The following AGAP1 variants were observed in gnomAD, a reference collection of about 807,000 sequenced individuals.
The protein encoded by AGAP1 is arf-GAP with GTPase, ANK repeat and PH domain-containing protein 1.
Under a neutral mutation model 105.3 loss-of-function variants are expected in AGAP1, and 29 were observed. The ratio of observed to expected loss-of-function variants is 0.28; its 90% confidence interval spans 0.21 to 0.38. The LOEUF (loss-of-function observed/expected upper bound fraction) is 0.38, where lower values mean the gene tolerates loss of function less well. AGAP1 is among the 10% of genes least tolerant of loss of function. AGAP1 has a pLI of 1.00. For missense variants in AGAP1, 998 were observed against 1,165.1 expected (o/e 0.86, Z 2.09); for synonymous variants, 509 against 485.9 (o/e 1.05, Z -0.63).
chr2:235,856,193 T>G (rs1453051598), intron 9 of AGAP1, among the ~76,000 whole-genome samples: 1 of 152,202 alleles, frequency 6.6e-6, no homozygotes, highest in Non-Finnish European at 1.5e-5. Flanking sequence ...ATTACAGGCG[T>G]GAGCCACCGC....
chr2:235,835,917 A>G (rs1294383806), intron 9 of AGAP1, among the ~76,000 whole-genome samples: 3 of 152,184 alleles, frequency 2.0e-5, no homozygotes, highest in Non-Finnish European at 4.4e-5. Flanking sequence ...CATTTTGGGG[A>G]TTCCGCCATA....
rs1237276298 is a variant in AGAP1, at chr2:235,957,391, C to CT, written c.1484-11070dup. ...TTCCTCCCCGTTTTTATAACTCAGT[C>CT]TAACACTGTGTTGTCTTTTCCTTTC... On this transcript the variant is annotated intron_variant, in intron 12 of 17. Transcript: ENST00000304032. This position sits in a 1 kb window ranked among gnomAD's most constrained non-coding sequence, Gnocchi z 4.6. Among the ~76,000 whole-genome samples the CT allele has an allele frequency of 6.6e-6, 1 of 152,170 alleles. No individual in the cohort carries two copies. The highest frequency in any genetic ancestry group is 1.9e-4 in the East Asian group (1 of 5,196).
chr2:235,572,003 CTTTTT>C (rs374791680), intron 1 of AGAP1, among the ~76,000 whole-genome samples: 1 of 93,480 alleles, frequency 1.1e-5, no homozygotes, highest in Non-Finnish European at 2.0e-5. Context: ...CACACACACA[CTTTTT>C]TTTTTTTTTT....
chr2:235,643,431 C>CAAAGAAAAAAAAAAAAAA (rs1947264521), intron 1 of AGAP1, among the ~76,000 whole-genome samples: 1 of 61,404 alleles, frequency 1.6e-5, no homozygotes, highest in African/African-American at 6.9e-5. Flanking sequence ...GACTGGGTCT[C>CAAAGAAAAAAAAAAAAAA]AAAAAAAAAA....
At chr2:235,941,399 G>A (rs549272371) in intron 12 of AGAP1, among the ~76,000 whole-genome samples, 1 of 152,286 alleles carries the variant, frequency 6.6e-6, no homozygotes, top group Non-Finnish European at 1.5e-5. Flanking sequence ...CCACTGCCCT[G>A]GCCCTGGGAG....
intron 9 of AGAP1, among the ~76,000 whole-genome samples, chr2:235,820,619 T>C (rs551812569): frequency 7.7e-4 from 118 of 152,370 alleles, no homozygotes; most frequent in African/African-American, 2.8e-3. Context: ...AGCCACAGCC[T>C]CTGTGATTTC....
rs1273825146 is a variant in AGAP1, at chr2:235,689,761, C to T, written c.164-19418C>T. On this transcript the variant is annotated intron_variant, in intron 1 of 17. Coordinates refer to ENST00000304032, the MANE Select transcript of AGAP1 (RefSeq NM_001037131.3). The surrounding 1 kb of genome is among the most constrained non-coding windows in gnomAD (Gnocchi z 4.2). ...TGGTAAACTGTCCTGCATGTGTGTA[C>T]GTGCACACTTGTGTGACGTGTCAGC... Among the ~76,000 whole-genome samples the T allele has an allele frequency of 2.6e-5, 4 of 152,198 alleles. No individual in the cohort carries two copies. Among genetic ancestry groups the T allele is most frequent in the Non-Finnish European group, 5.9e-5 (4 of 68,032 alleles).
At position 236,062,525 on chromosome 2, in the gene AGAP1, G is replaced by C. The variant is rs1576205309; in HGVS notation, c.2114+13244G>C. Among the ~76,000 whole-genome samples the C allele has an allele frequency of 6.6e-6, 1 of 151,996 alleles. No homozygotes were observed. Among genetic ancestry groups the C allele is most frequent in the African/African-American group, 2.4e-5 (1 of 41,364 alleles). ...GAATCTCACTCTATCACACAGGCTT[G>C]AATGCAGTGGCATGATCATAGCTTA... On this transcript the variant is annotated intron_variant, in intron 16 of 17. Coordinates refer to ENST00000304032, the MANE Select transcript of AGAP1 (RefSeq NM_001037131.3). This position sits in a 1 kb window ranked among gnomAD's most constrained non-coding sequence, Gnocchi z 4.2.
rs192329802 is a variant in AGAP1, at chr2:235,935,565, G to T, written c.1483+4642G>T. Among the ~76,000 whole-genome samples the T allele has an allele frequency of 5.0e-3, 763 of 152,250 alleles. 7 individuals carry two copies. Among genetic ancestry groups the T allele is most frequent in the African/African-American group, 0.017 (723 of 41,538 alleles). ...GATCTACATGTCAGATCCTGTTGTG[G>T]TTTAAACTGTTTATCACTGTAATGG... On this transcript the variant is annotated intron_variant, in intron 12 of 17. Transcript: ENST00000304032.
intron 1 of AGAP1, among the ~76,000 whole-genome samples, chr2:235,677,526 A>G (rs77740727): frequency 0.038 from 5,743 of 152,134 alleles, 298 homozygotes; most frequent in African/African-American, 0.11. Context: ...TTCTGGTGTG[A>G]TCGTTAGGTC....
At chr2:235,676,739 C>T (rs1948756623) in intron 1 of AGAP1, among the ~76,000 whole-genome samples, 1 of 152,100 alleles carries the variant, frequency 6.6e-6, no homozygotes, top group African/African-American at 2.4e-5. Flanking sequence ...CTCCTTTAGG[C>T]TATTGTCAAT....
At chr2:235,534,413 A>G (rs540331138) in intron 1 of AGAP1, among the ~76,000 whole-genome samples, 1 of 152,252 alleles carries the variant, frequency 6.6e-6, no homozygotes, top group African/African-American at 2.4e-5. Context: ...ATTGGATTAA[A>G]TGTACACCTA....
intron 1 of AGAP1, among the ~76,000 whole-genome samples, chr2:235,652,524 A>ACAC (rs1947630299): frequency 6.6e-6 from 1 of 152,132 alleles, no homozygotes; most frequent in South Asian, 2.1e-4. Context: ...GATTCAGGAG[A>ACAC]CACCACATCA....
At chr2:236,021,397 C>T (rs1291506143) in intron 13 of AGAP1, among the ~76,000 whole-genome samples, 1 of 152,022 alleles carries the variant, frequency 6.6e-6, no homozygotes, top group Non-Finnish European at 1.5e-5. Flanking sequence ...CTGGTAAGCC[C>T]GGGTCTCCTG....
rs78703803 is a variant in AGAP1 at position 236,046,152 on chromosome 2, A to G, written c.1892-2907A>G. On this transcript the variant is annotated intron_variant, in intron 15 of 17. Coordinates refer to ENST00000304032, the MANE Select transcript of AGAP1 (RefSeq NM_001037131.3). The surrounding 1 kb of genome is among the most constrained non-coding windows in gnomAD (Gnocchi z 5.2). ...TAGGAACCAAATCGGAGGTTCTGGTAAGAGCTTAGGCAAGTGGCTATGGGG... is the reference window on the plus strand; with the variant it reads ...TAGGAACCAAATCGGAGGTTCTGGTGAGAGCTTAGGCAAGTGGCTATGGGG... 119 of 407,642 alleles carry G rather than the reference A, an allele frequency of 2.9e-4. No individual in the cohort carries two copies. Among genetic ancestry groups the G allele is most frequent in the African/African-American group, 2.4e-3 (118 of 48,878 alleles). 25.3% of individuals were successfully genotyped at this position (407,642 alleles called of 1,614,324 possible).
At chr2:235,945,299 GT>G (rs1477532570) in intron 12 of AGAP1, among the ~76,000 whole-genome samples, 1 of 151,914 alleles carries the variant, frequency 6.6e-6, no homozygotes, top group African/African-American at 2.4e-5. Flanking sequence ...TTGGGGGGGG[GT>G]TCACCGTGTT....
chr2:235,960,923 A>G lies in AGAP1; in HGVS notation c.1484-7539A>G, dbSNP rs2054156925. Among the ~76,000 whole-genome samples the G allele has an allele frequency of 6.6e-6, 1 of 152,208 alleles. No homozygotes were observed. The highest frequency in any genetic ancestry group is 2.1e-4 in the South Asian group (1 of 4,836). On this transcript the variant is annotated intron_variant, in intron 12 of 17. Coordinates refer to ENST00000304032, the MANE Select transcript of AGAP1 (RefSeq NM_001037131.3). The surrounding 1 kb of genome is among the most constrained non-coding windows in gnomAD (Gnocchi z 4.9). Reference sequence around the variant, plus strand: ...GTGCTTGTGGCTGGTTTTAAAACTAAGTCGCGAAATTGATACACTGCTGTG... The same window carrying G: ...GTGCTTGTGGCTGGTTTTAAAACTAGGTCGCGAAATTGATACACTGCTGTG...
chr2:236,063,553 G>A (rs2058264538), intron 16 of AGAP1, among the ~76,000 whole-genome samples: 1 of 152,246 alleles, frequency 6.6e-6, no homozygotes, highest in Non-Finnish European at 1.5e-5. Context: ...TTATTTTCAT[G>A]TTAAGAAAGG....
Position 236,009,736 on chromosome 2 carries a change from G to A in AGAP1, c.1646-26825G>A, listed in dbSNP as rs1008454137. Among the ~76,000 whole-genome samples, 6 of 152,256 alleles carry A rather than the reference G, an allele frequency of 3.9e-5. No homozygotes were observed. Among genetic ancestry groups the A allele is most frequent in the East Asian group, 1.9e-4 (1 of 5,190 alleles). ...CATAATTGATTCTGAGGGCTGCAGC[G>A]TGCCTCATTTAGCCGTCCCTGCTCG... On this transcript the variant is annotated intron_variant, in intron 13 of 17. Coordinates refer to ENST00000304032, the MANE Select transcript of AGAP1 (RefSeq NM_001037131.3). The surrounding 1 kb of genome is among the most constrained non-coding windows in gnomAD (Gnocchi z 4.2).
Sources: allele counts gnomAD v4.1 joint callset (sites outside exome capture counted in the v4.1 genomes callset), GRCh38; gene constraint gnomAD v4.1.1; non-coding constraint Gnocchi (gnomAD v3.1); transcripts MANE v1.5; gene names NCBI Gene and HGNC (gene_info 2026-07-23, HGNC 2026-07-21).